GLI4: variants seen among roughly 807,000 people sequenced by gnomAD.
GLI4 encodes zinc finger protein GLI4.
Under a neutral mutation model 30.9 loss-of-function variants are expected in GLI4, and 34 were observed. That is an observed-to-expected ratio of 1.10 (90% CI 0.84 to 1.47). The LOEUF (loss-of-function observed/expected upper bound fraction) is 1.47, where lower values mean the gene tolerates loss of function less well. Ranked by LOEUF, GLI4 falls within the 40% of genes most tolerant of loss-of-function variation. The probability of loss-of-function intolerance (pLI) is 0.00; values close to 1 mark genes in which losing one functional copy is unlikely to be tolerated. For synonymous variants in GLI4, 277 were observed against 236.7 expected (o/e 1.17, Z -1.56); for missense variants, 696 against 538.9 (o/e 1.29, Z -2.89).
intron 1 of GLI4, chr8:143,267,864 C>T (rs1170204613): frequency 4.1e-6 from 4 of 985,468 alleles, no homozygotes; most frequent in Non-Finnish European, 3.6e-6. Context: ...CGGACGCGCT[C>T]TGTGCCGAGC....
At chr8:143,268,433 A>G (rs531624119) in intron 1 of GLI4, among the ~76,000 whole-genome samples, 48 of 152,352 alleles carry the variant, frequency 3.2e-4, no homozygotes, top group Admixed American at 1.2e-3. Context: ...AAAGTAAACT[A>G]AGAAGTGTCT....
chr8:143,274,925 C>T, intron 3 of GLI4, 123 bp downstream of exon 3: 2 of 1,477,084 alleles, frequency 1.4e-6, no homozygotes, highest in Non-Finnish European at 1.8e-6. Flanking sequence ...CCCTTTTCTT[C>T]CCTGGCATCA....
Position 143,276,765 on chromosome 8 carries a change from C to A in GLI4, c.1092C>A (p.Ser364=). 1 of 1,598,492 alleles carries A rather than the reference C, an allele frequency of 6.3e-7. No homozygotes were observed. The highest frequency in any genetic ancestry group is 2.3e-5 in the East Asian group (1 of 44,398). Reference sequence around the variant, plus strand: ...GCGGCAAGGCCTTCGGCCAGAGCTCCCAGCTCATCCAGCACCAGCGGGTGC... The same window carrying A: ...GCGGCAAGGCCTTCGGCCAGAGCTCACAGCTCATCCAGCACCAGCGGGTGC... ...GACGKAFGQS[S]QLIQHQRVHY... The change falls in exon 4 of 4, where the codon TCC becomes TCA. Residue 364 remains serine, a synonymous_variant. Transcript: ENST00000340042.
chr8:143,271,545 A>G (rs910411690), intron 2 of GLI4, among the ~76,000 whole-genome samples: 1 of 152,192 alleles, frequency 6.6e-6, no homozygotes, highest in Non-Finnish European at 1.5e-5. Context: ...GCCCAGGGCC[A>G]TCCTGCCAAT....
chr8:143,274,354 G>T, intron 2 of GLI4: 1 of 190,200 alleles, frequency 5.3e-6, no homozygotes, highest in Non-Finnish European at 1.1e-5. Context: ...ACTGCAGGAT[G>T]CTGGGGCATG....
intron 1 of GLI4, among the ~76,000 whole-genome samples, chr8:143,268,753 AGCTTCGCTTCAGCCCCCACAG>A (rs1325231441): frequency 3.9e-5 from 6 of 152,106 alleles, no homozygotes; most frequent in Non-Finnish European, 8.8e-5. Flanking sequence ...CTGGGACAGG[AGCTTCGCTTCAGCCCCCACAG>A]GCGTCTGCTG....
Position 143,276,480 on chromosome 8 carries a change from C to T in GLI4, c.807C>T (p.Cys269=), listed in dbSNP as rs763614152. 1.4e-5 allele frequency: 23 copies of T among 1,612,968 alleles called. No individual in the cohort carries two copies. The highest frequency in any genetic ancestry group is 1.9e-5 in the Non-Finnish European group (22 of 1,179,808). ...ACAACGGCGAGAAGCCCTACAAGTG[C>T]GGCGAGTGCGGCCAGGCCTTCAGCC... ...RIHNGEKPYK[C]GECGQAFSQS... Residue 269 remains cysteine, a synonymous_variant, in exon 4 of 4, where the codon TGC becomes TGT. Transcript: ENST00000340042.
In GLI4 at chr8:143,274,733, TCC is replaced by T. The variant is rs1815346406; in HGVS notation, c.156_157del (p.Gln53AlafsTer40). On this transcript the variant is annotated frameshift_variant, in exon 3 of 4. Transcript: ENST00000340042. LOFTEE classifies it high-confidence loss of function. ...CCCTGGCTCCAGCCCTAAGGTGCTC[TCC>T]CAGCCGTCCGACCTGGATCTCCAAG... ...GSPGSSPKVL[S>X]QPSDLDLQDV... The T allele has an allele frequency of 6.4e-7, 1 of 1,566,788 alleles. No individual in the cohort carries two copies. The highest frequency in any genetic ancestry group is 8.7e-7 in the Non-Finnish European group (1 of 1,154,436).
Position 143,276,045 on chromosome 8 carries a change from GC to G in GLI4, c.373del (p.Arg125GlyfsTer21), listed in dbSNP as rs1815377601. 4 of 1,372,176 alleles carry G rather than the reference GC, an allele frequency of 2.9e-6. No individual in the cohort carries two copies. The highest frequency in any genetic ancestry group is 3.5e-5 in the Admixed American group (1 of 28,842). The allele number at this position is 1,372,176 out of a possible 1,614,324, so 85.0% of individuals were successfully genotyped here. On this transcript the variant is annotated frameshift_variant, in exon 4 of 4. Transcript: ENST00000340042. LOFTEE classifies it high-confidence loss of function. Reference sequence around the variant, plus strand: ...GCTTCGGGCCTGAATCCAGCGCGGAGCGGCCGGCGGGCCAGCCGCCTGGGGC... The same window carrying G: ...GCTTCGGGCCTGAATCCAGCGCGGAGGGCCGGCGGGCCAGCCGCCTGGGGC... Reference protein sequence around the residue: ...AGFGPESSAERPAGQPPGAVP... With the variant: ...AGFGPESSAEXPAGQPPGAVP...
chr8:143,269,276 G>A (rs574848801), intron 1 of GLI4, 84 bp from the exon 2 acceptor site: 18 of 982,972 alleles, frequency 1.8e-5, no homozygotes, highest in Non-Finnish European at 2.6e-5. Context: ...TCCCCTTGGA[G>A]AGCTGGCATG....
At chr8:143,268,873 T>G (rs1164458794) in intron 1 of GLI4, among the ~76,000 whole-genome samples, 2 of 25,378 alleles carry the variant, frequency 7.9e-5, no homozygotes, top group Non-Finnish European at 2.3e-4. Context: ...TGTTTGAGTC[T>G]TGCTGTGTCT....
rs572013200 is a variant in GLI4 at position 143,269,437 on chromosome 8, C to T, written c.41C>T (p.Pro14Leu). 3.9e-5 allele frequency: 62 copies of T among 1,608,658 alleles called. No individual in the cohort carries two copies. In the East Asian group the frequency reaches 5.8e-4, roughly 15 times the overall value. The change falls in exon 2 of 4, where the codon CCG becomes CTG. Residue 14 changes from proline (P) to leucine (L), a missense_variant. Coordinates refer to ENST00000340042, the MANE Select transcript of GLI4 (RefSeq NM_138465.4). ...GACATTCAGGAGTCCCCTTCTGTCC[C>T]GTCCCCTGTCAGTCTCTCATCACCG... ...LGDIQESPSV[P>L]SPVSLSSPGT... is the part of the protein sequence containing the mutation.
rs1415757532 is a variant in GLI4 at position 143,275,901 on chromosome 8, C to T, written c.228C>T (p.Ser76=). The change falls in exon 4 of 4, where the codon TCC becomes TCT. Residue 76 remains serine, a synonymous_variant. Transcript: ENST00000340042. The part of the protein sequence containing the change: ...EIGRDTFWPD[S]EPKPEQAPRS... Reference sequence around the variant, plus strand: ...CTCTGCCGTTTCTCATTTCAGACTCCGAGCCCAAGCCGGAGCAGGCTCCAC... The same window carrying T: ...CTCTGCCGTTTCTCATTTCAGACTCTGAGCCCAAGCCGGAGCAGGCTCCAC... The T allele has an allele frequency of 4.6e-6, 6 of 1,293,680 alleles. No homozygotes were observed. The highest frequency in any genetic ancestry group is 5.0e-5 in the South Asian group (2 of 39,614). The allele number at this position is 1,293,680 out of a possible 1,614,324, so 80.1% of individuals were successfully genotyped here.
intron 2 of GLI4, among the ~76,000 whole-genome samples, chr8:143,271,387 C>G (rs1172528363): frequency 2.6e-5 from 4 of 152,266 alleles, no homozygotes; most frequent in South Asian, 2.1e-4. Flanking sequence ...GGGGCCAGGC[C>G]GCAGCAATGG....
chr8:143,274,423 C>T (rs1026585275), intron 2 of GLI4: 6 of 278,776 alleles, frequency 2.2e-5, no homozygotes, highest in African/African-American at 8.8e-5. Context: ...GCAGGAGGGC[C>T]GCTTCAAAGC....
chr8:143,267,978 C>CA (rs1255282280), intron 1 of GLI4: 3 of 985,326 alleles, frequency 3.0e-6, no homozygotes, highest in Non-Finnish European at 3.6e-6. Flanking sequence ...GTCTGGAGCT[C>CA]AGAGTTTGTG....
chr8:143,274,713 G>T lies in GLI4; in HGVS notation c.134G>T (p.Gly45Val). ...HLHGHQHGSP[G>V]SSPKVLSQPS... ...CCTCCCTGACCCCCAGGCTCCCCTG[G>T]CTCCAGCCCTAAGGTGCTCTCCCAG... Residue 45 changes from glycine to valine, a missense_variant, in exon 3 of 4, where the codon GGC becomes GTC. Coordinates refer to ENST00000340042, the MANE Select transcript of GLI4 (RefSeq NM_138465.4). The T allele has an allele frequency of 6.4e-7, 1 of 1,557,124 alleles. No homozygotes were observed. Among genetic ancestry groups the T allele is most frequent in the Non-Finnish European group, 8.7e-7 (1 of 1,148,312 alleles).
intron 2 of GLI4, among the ~76,000 whole-genome samples, chr8:143,273,626 C>G (rs1443010797): frequency 6.8e-5 from 4 of 58,972 alleles, no homozygotes; most frequent in East Asian, 4.4e-3. Context: ...AGCTCACAGC[C>G]AGGCACTGTT....
chr8:143,275,028 C>A, intron 3 of GLI4: 1 of 1,522,978 alleles, frequency 6.6e-7, no homozygotes, highest in Non-Finnish European at 8.8e-7. Flanking sequence ...CAGCCACCTG[C>A]GCCAGTGGCC....
Sources: gnomAD v4.1 joint callset for allele counts (sites outside exome capture counted in the v4.1 genomes callset) on GRCh38, gnomAD v4.1.1 for gene constraint, MANE v1.5 for transcripts, NCBI Gene and HGNC (gene_info 2026-07-23, HGNC 2026-07-21) for gene names.